The following MYO3B variants were observed in gnomAD, a reference collection of about 807,000 sequenced individuals.
MYO3B encodes the protein myosin-IIIb.
A neutral mutation model predicts 174.6 loss-of-function variants in MYO3B; 156 were observed. The observed-to-expected ratio is 0.89, with a 90% confidence interval of 0.78 to 1.02. The LOEUF (loss-of-function observed/expected upper bound fraction) is 1.02. MYO3B is among the 50% of genes least tolerant of loss of function. The pLI is 0.00. For missense variants in MYO3B, 1,632 were observed against 1,639.4 expected, an observed-to-expected ratio of 1.00 and a Z score of 0.08; for synonymous variants, 563 against 569.1, an observed-to-expected ratio of 0.99 and a Z score of 0.15.
chr2:170,542,381 A>G (rs1211906337), intron 30 of MYO3B, among the ~76,000 whole-genome samples: 1 of 152,222 alleles, frequency 6.6e-6, no homozygotes, highest in Admixed American at 6.5e-5. Context: ...TCTTGGTCAA[A>G]TTACTGTTGG....
At chr2:170,323,771 T>C (rs2093845788) in intron 7 of MYO3B, among the ~76,000 whole-genome samples, 1 of 151,808 alleles carries the variant, frequency 6.6e-6, no homozygotes, top group Non-Finnish European at 1.5e-5. Flanking sequence ...TATTATTATC[T>C]AATAACTTAT....
chr2:170,401,806 T>TTTTTC (rs1457329238), intron 18 of MYO3B, 115 bp downstream of exon 18: 11 of 986,870 alleles, frequency 1.1e-5, no homozygotes, highest in Non-Finnish European at 1.6e-5. Flanking sequence ...CTTTTTCTTT[T>TTTTTC]TTTTTTTTTT....
At chr2:170,634,255 G>C (rs1002465521) in intron 32 of MYO3B, among the ~76,000 whole-genome samples, 2 of 152,122 alleles carry the variant, frequency 1.3e-5, no homozygotes, top group Non-Finnish European at 2.9e-5. Context: ...GCATGGTACT[G>C]GTACCAAAAC....
intron 9 of MYO3B, among the ~76,000 whole-genome samples, chr2:170,377,122 T>A (rs2094299595): frequency 6.6e-6 from 1 of 152,210 alleles, no homozygotes; most frequent in East Asian, 1.9e-4. Context: ...TGTTTGTCAA[T>A]ATAGTTCATA....
At chr2:170,592,867 C>G (rs935580517) in intron 32 of MYO3B, among the ~76,000 whole-genome samples, 2 of 151,824 alleles carry the variant, frequency 1.3e-5, no homozygotes, top group African/African-American at 2.4e-5. Context: ...GATATAGATA[C>G]ATATAGATAT....
chr2:170,373,340 C>T (rs568414426), intron 9 of MYO3B, among the ~76,000 whole-genome samples: 1 of 152,334 alleles, frequency 6.6e-6, no homozygotes, highest in South Asian at 2.1e-4. Context: ...AGATATTACA[C>T]AAAGCTTCCA....
At chr2:170,218,713 A>G (rs946751884) in intron 6 of MYO3B, among the ~76,000 whole-genome samples, 3 of 152,252 alleles carry the variant, frequency 2.0e-5, no homozygotes, top group Non-Finnish European at 2.9e-5. Context: ...CCAACTTAAT[A>G]GTAAACATAA....
rs570169781 is a variant in MYO3B at position 170,630,132 on chromosome 2, C to T, written c.3734-21496C>T. 7.2e-5 allele frequency among the ~76,000 whole-genome samples: 11 copies of T among 152,252 alleles called. No homozygotes were observed. In the East Asian group the frequency reaches 7.7e-4, roughly 11 times the overall value. ...GCCTCACCTGAGAAGCACAAGGGATCGGGGGATTTCCCTTTCCTAGCCAAG... is the reference window on the plus strand; with the variant it reads ...GCCTCACCTGAGAAGCACAAGGGATTGGGGGATTTCCCTTTCCTAGCCAAG... On this transcript the variant is annotated intron_variant, in intron 32 of 34. Transcript: ENST00000408978.
At chr2:170,529,375 A>C (rs1276293976) in intron 30 of MYO3B, among the ~76,000 whole-genome samples, 2 of 151,268 alleles carry the variant, frequency 1.3e-5, no homozygotes, top group Non-Finnish European at 2.9e-5. Flanking sequence ...AAAAAAAAAA[A>C]ATTTCAGTCT....
chr2:170,616,566 TTC>T (rs1695476260), intron 32 of MYO3B, among the ~76,000 whole-genome samples: 2 of 152,334 alleles, frequency 1.3e-5, no homozygotes, highest in South Asian at 4.1e-4. Flanking sequence ...CATCTCCCCC[TTC>T]TCTCTGATTT....
intron 8 of MYO3B, among the ~76,000 whole-genome samples, chr2:170,345,515 A>AT (rs939900612): frequency 6.6e-6 from 1 of 152,096 alleles, no homozygotes; most frequent in African/African-American, 2.4e-5. Context: ...CTATTTAATG[A>AT]TTTTTTGAAA....
At chr2:170,224,217 C>T (rs2092929043) in intron 6 of MYO3B, among the ~76,000 whole-genome samples, 1 of 152,200 alleles carries the variant, frequency 6.6e-6, no homozygotes, top group South Asian at 2.1e-4. Flanking sequence ...ATTTTCACAA[C>T]AGCTCTCAAT....
chr2:170,435,492 G>A lies in MYO3B; in HGVS notation c.2651-8475G>A, dbSNP rs189001468. ...GAAAAAAGAAAGTCCTACTAATGGA[G>A]ACAGGAATTACACAAAGTCATCGTA... On this transcript the variant is annotated intron_variant, in intron 22 of 34. Coordinates refer to ENST00000408978, the MANE Select transcript of MYO3B (RefSeq NM_138995.5). 3.3e-5 allele frequency among the ~76,000 whole-genome samples: 5 copies of A among 152,300 alleles called. No individual in the cohort carries two copies. In the East Asian group the frequency reaches 7.7e-4, roughly 24 times the overall value.
intron 8 of MYO3B, among the ~76,000 whole-genome samples, chr2:170,337,651 T>C (rs2093954374): frequency 2.6e-5 from 4 of 152,160 alleles, no homozygotes; most frequent in Admixed American, 2.0e-4. Context: ...AAGTCAAAAA[T>C]TGCCTATAAC....
At chr2:170,283,105 G>C (rs1284496646) in intron 7 of MYO3B, among the ~76,000 whole-genome samples, 1 of 152,158 alleles carries the variant, frequency 6.6e-6, no homozygotes, top group Non-Finnish European at 1.5e-5. Context: ...TCTCAAAATC[G>C]TGCTGTGCTG....
At chr2:170,241,410 C>T (rs1192025660) in intron 7 of MYO3B, among the ~76,000 whole-genome samples, 2 of 152,136 alleles carry the variant, frequency 1.3e-5, no homozygotes, top group African/African-American at 2.4e-5. Flanking sequence ...TACCAGTTTA[C>T]AAAAGAGCTT....
At chr2:170,489,480 G>A (rs1157333630) in intron 25 of MYO3B, among the ~76,000 whole-genome samples, 1 of 152,180 alleles carries the variant, frequency 6.6e-6, no homozygotes, top group Non-Finnish European at 1.5e-5. Flanking sequence ...AGGGAAGGAA[G>A]TCACTAAAAA....
At chr2:170,309,403 A>G (rs907142878) in intron 7 of MYO3B, among the ~76,000 whole-genome samples, 1 of 152,120 alleles carries the variant, frequency 6.6e-6, no homozygotes, top group Non-Finnish European at 1.5e-5. Flanking sequence ...CCTTGAAGGA[A>G]TGTTCTCCCC....
intron 14 of MYO3B, among the ~76,000 whole-genome samples, chr2:170,390,340 A>G (rs2105763250): frequency 6.6e-6 from 1 of 152,304 alleles, no homozygotes; most frequent in South Asian, 2.1e-4. Context: ...AGGTGCAAGA[A>G]TTGCTTGAAC....
Sources: gnomAD v4.1 joint callset for allele counts (sites outside exome capture counted in the v4.1 genomes callset) on GRCh38, gnomAD v4.1.1 for gene constraint, MANE v1.5 for transcripts, NCBI Gene and HGNC (gene_info 2026-07-23, HGNC 2026-07-21) for gene names.